The following MAGI2 variants were observed in gnomAD, a reference collection of about 807,000 sequenced individuals.
MAGI2 encodes membrane associated guanylate kinase, WW and PDZ domain containing 2, also known as membrane-associated guanylate kinase, WW and PDZ domain-containing protein 2.
In MAGI2, 35 loss-of-function variants were observed where a neutral mutation model predicts 133.3. The ratio of observed to expected loss-of-function variants is 0.26; its 90% CI spans 0.20 to 0.35. The LOEUF (loss-of-function observed/expected upper bound fraction) is 0.35, where lower values mean the gene tolerates loss of function less well. Ranked by LOEUF, MAGI2 falls within the 10% of genes least tolerant of loss-of-function variation. The pLI is 1.00. For synonymous variants in MAGI2, 729 were observed against 710.6 expected (o/e 1.03, Z -0.41); for missense variants, 1,636 against 1,863.4 (o/e 0.88, Z 2.25).
At chr7:79,403,366 C>T (rs1020385462) in intron 1 of MAGI2, among the ~76,000 whole-genome samples, 1 of 152,042 alleles carries the variant, frequency 6.6e-6, no homozygotes, top group Admixed American at 6.6e-5. Flanking sequence ...TTTTTGAATA[C>T]ATGACAATTT....
chr7:79,435,476 T>C (rs943047376), intron 1 of MAGI2, among the ~76,000 whole-genome samples: 2 of 152,326 alleles, frequency 1.3e-5, no homozygotes, highest in African/African-American at 2.4e-5. Flanking sequence ...CTAATTTTTA[T>C]ATATCAATTC....
rs551570213 is a variant in MAGI2 at position 78,682,720 on chromosome 7, T to C, written c.419-55481A>G. Among the ~76,000 whole-genome samples the C allele has an allele frequency of 9.2e-5, 14 of 152,270 alleles. No homozygotes were observed. The East Asian group carries it at 2.5e-3, about 27-fold the overall frequency. ...GTCTTTATAGTAGTGGAAGACAGTG[T>C]GGTGATTCTTCAAGGATTTAGAACC... On this transcript the variant is annotated intron_variant, in intron 2 of 21. Transcript: ENST00000354212.
At chr7:79,129,592 T>G (rs1820729062) in intron 1 of MAGI2, among the ~76,000 whole-genome samples, 1 of 152,226 alleles carries the variant, frequency 6.6e-6, no homozygotes, top group African/African-American at 2.4e-5. Flanking sequence ...CTAGTTTAAG[T>G]TTGCTTAGTG....
intron 1 of MAGI2, among the ~76,000 whole-genome samples, chr7:79,061,232 G>A (rs535168239): frequency 6.8e-4 from 104 of 151,910 alleles, no homozygotes; most frequent in African/African-American, 2.3e-3. Flanking sequence ...AGATTAAAAT[G>A]CTCTATTTTA....
Position 79,121,050 on chromosome 7 carries a change from A to G in MAGI2, c.302-113844T>C, listed in dbSNP as rs142803977. ...CCTCCTAATCAGAGTAAATACTAGG[A>G]TACTTCCCCCACATTTCTTCTATAA... On this transcript the variant is annotated intron_variant, in intron 1 of 21. Transcript: ENST00000354212. Among the ~76,000 whole-genome samples, 369 of 152,244 alleles carry G rather than the reference A, an allele frequency of 2.4e-3. 1 individual carries two copies. The highest frequency in any genetic ancestry group is 8.6e-3 in the African/African-American group (359 of 41,568).
At chr7:79,184,558 A>G (rs1184413198) in intron 1 of MAGI2, among the ~76,000 whole-genome samples, 1 of 151,782 alleles carries the variant, frequency 6.6e-6, no homozygotes, top group East Asian at 1.9e-4. Flanking sequence ...AATATTATTA[A>G]AGAGTAATAG....
At position 78,285,393 on chromosome 7, in the gene MAGI2, C is replaced by CGAA. The variant is rs1584720199; in HGVS notation, c.1409-28813_1409-28812insTTC. The stretch of plus-strand genomic sequence containing the variant: ...AAACAATTCAATTTTTTGAATGCTT[C>CGAA]CTATTTGTGAGTAATTTTGCTAGTC... On this transcript the variant is annotated intron_variant, in intron 9 of 21. Transcript: ENST00000354212. 2.0e-5 allele frequency among the ~76,000 whole-genome samples: 3 copies of CGAA among 151,716 alleles called. No individual in the cohort carries two copies. The East Asian group carries it at 5.8e-4, about 29-fold the overall frequency.
chr7:78,705,250 A>G (rs139466045), intron 2 of MAGI2, among the ~76,000 whole-genome samples: 142 of 152,116 alleles, frequency 9.3e-4, no homozygotes, highest in African/African-American at 3.0e-3. Flanking sequence ...AGTTCTCACA[A>G]GATCTGATGG....
chr7:78,973,372 A>T (rs369958294), intron 2 of MAGI2, among the ~76,000 whole-genome samples: 1 of 151,674 alleles, frequency 6.6e-6, no homozygotes, highest in African/African-American at 2.4e-5. Flanking sequence ...GCTTAAACCA[A>T]ATGACAAATA....
At chr7:79,452,360 G>C (rs1303553293) in intron 1 of MAGI2, among the ~76,000 whole-genome samples, 1 of 152,178 alleles carries the variant, frequency 6.6e-6, no homozygotes, top group Non-Finnish European at 1.5e-5. Context: ...CGCACGTGAC[G>C]CGCGATGCCC....
At chr7:79,275,690 A>G (rs115685238) in intron 1 of MAGI2, among the ~76,000 whole-genome samples, 4,427 of 152,270 alleles carry the variant, frequency 0.029, 224 homozygotes, top group African/African-American at 0.1. Context: ...CCTTCAAAGC[A>G]TCACAGGACA....
At chr7:78,332,621 C>G (rs1789337857) in intron 9 of MAGI2, among the ~76,000 whole-genome samples, 1 of 150,198 alleles carries the variant, frequency 6.7e-6, no homozygotes, top group African/African-American at 2.5e-5. Context: ...TGGTGTGAAC[C>G]CGGGAGGCAG....
At chr7:78,709,900 A>G (rs937857821) in intron 2 of MAGI2, among the ~76,000 whole-genome samples, 4 of 152,140 alleles carry the variant, frequency 2.6e-5, no homozygotes, top group African/African-American at 9.7e-5. Flanking sequence ...TACCCTGTAC[A>G]GCATGTTTCT....
At chr7:78,772,421 A>T (rs1448800073) in intron 2 of MAGI2, among the ~76,000 whole-genome samples, 1 of 152,196 alleles carries the variant, frequency 6.6e-6, no homozygotes, top group Admixed American at 6.5e-5. Context: ...TTAATTCAGG[A>T]GCATGATGAT....
intron 13 of MAGI2, 62 bp from the exon 14 acceptor site, chr7:78,178,164 T>G: frequency 1.0e-6 from 1 of 992,576 alleles, no homozygotes; most frequent in Non-Finnish European, 1.6e-6. Context: ...CCTGAGGAAC[T>G]GAACATACCA....
intron 6 of MAGI2, among the ~76,000 whole-genome samples, chr7:78,478,092 G>T (rs2150447036): frequency 6.6e-6 from 1 of 151,620 alleles, no homozygotes; most frequent in African/African-American, 2.4e-5. Context: ...TCCCCCAACA[G>T]GCCCCGGTGT....
intron 1 of MAGI2, among the ~76,000 whole-genome samples, chr7:79,260,200 A>G (rs1833975471): frequency 6.6e-6 from 1 of 152,148 alleles, no homozygotes; most frequent in Non-Finnish European, 1.5e-5. Flanking sequence ...TCAAAAATAC[A>G]AGAAAATTAG....
chr7:78,593,869 C>G (rs1804310788), intron 3 of MAGI2, among the ~76,000 whole-genome samples: 2 of 152,078 alleles, frequency 1.3e-5, no homozygotes, highest in African/African-American at 4.8e-5. Flanking sequence ...CTTTTTTGGT[C>G]AATATAGCTT....
rs534942234 is a variant in MAGI2 at position 78,291,491 on chromosome 7, T to C, written c.1409-34910A>G. On this transcript the variant is annotated intron_variant, in intron 9 of 21. Coordinates refer to ENST00000354212, the MANE Select transcript of MAGI2 (RefSeq NM_012301.4). ...GGACCAGATGGATTCACAGCCGAAT[T>C]CTACCAGAGGTACAAGGAGGAGCTG... is the stretch of plus-strand genomic sequence containing the variant. 9.2e-5 allele frequency among the ~76,000 whole-genome samples: 14 copies of C among 152,282 alleles called. No individual in the cohort carries two copies. In the South Asian group the frequency reaches 2.9e-3, roughly 32 times the overall value.
Sources: gnomAD v4.1 joint callset for allele counts (sites outside exome capture counted in the v4.1 genomes callset) on GRCh38, gnomAD v4.1.1 for gene constraint, MANE v1.5 for transcripts, NCBI Gene and HGNC (gene_info 2026-07-23, HGNC 2026-07-21) for gene names.